Variants in CCDC146 observed in about 807,000 individuals in gnomAD.
CCDC146 encodes the protein coiled-coil domain-containing protein 146.
CCDC146 carries 92 observed loss-of-function variants against 119.3 expected under a neutral mutation model. That is an observed-to-expected ratio of 0.77 (90% CI 0.65 to 0.92). The LOEUF is 0.92. CCDC146 is among the 40% of genes least tolerant of loss of function. The pLI, the probability that CCDC146 is intolerant of heterozygous loss-of-function variation, is 0.00. For missense variants in CCDC146, 1,000 were observed against 1,103.0 expected (o/e 0.91, Z 1.32); for synonymous variants, 372 against 371.8 (o/e 1.00, Z -0.01).
chr7:77,224,799 G>A (rs147194218), intron 2 of CCDC146, among the ~76,000 whole-genome samples: 5 of 152,280 alleles, frequency 3.3e-5, no homozygotes, highest in East Asian at 1.9e-4. Flanking sequence ...ATTGTGTTTC[G>A]ATGGAGCATT....
chr7:77,126,653 G>A lies in CCDC146; in HGVS notation c.-12+3921G>A, dbSNP rs1342550433. 2.0e-5 allele frequency among the ~76,000 whole-genome samples: 3 copies of A among 152,210 alleles called. No homozygotes were observed. In the East Asian group the frequency reaches 5.8e-4, roughly 29 times the overall value. On this transcript the variant is annotated intron_variant, in intron 1 of 18. Transcript: ENST00000285871. ...TCCTGTCTGCTGGCAGGTTGTCTCTGAAGCTCTCGGCAGAGACGGTAGCTC... is the reference window on the plus strand; with the variant it reads ...TCCTGTCTGCTGGCAGGTTGTCTCTAAAGCTCTCGGCAGAGACGGTAGCTC...
intron 18 of CCDC146, among the ~76,000 whole-genome samples, chr7:77,294,040 G>A (rs1440814660): frequency 1.3e-5 from 2 of 152,114 alleles, no homozygotes; most frequent in African/African-American, 4.8e-5. Flanking sequence ...TTATTAGAGG[G>A]CTTTTCAGTG....
intron 1 of CCDC146, among the ~76,000 whole-genome samples, chr7:77,131,223 C>A (rs1790781694): frequency 6.6e-6 from 1 of 151,960 alleles, no homozygotes; most frequent in Non-Finnish European, 1.5e-5. Flanking sequence ...ATATCAGAAA[C>A]AGGAAAATCT....
At chr7:77,142,464 C>T (rs1381198597) in intron 1 of CCDC146, among the ~76,000 whole-genome samples, 2 of 151,712 alleles carry the variant, frequency 1.3e-5, no homozygotes, top group African/African-American at 4.8e-5. Context: ...GTACAATGTG[C>T]AGGTTTGTTA....
At chr7:77,248,294 G>A (rs998955632) in intron 4 of CCDC146, among the ~76,000 whole-genome samples, 2 of 152,158 alleles carry the variant, frequency 1.3e-5, no homozygotes, top group Non-Finnish European at 2.9e-5. Flanking sequence ...GAAGGAGGGT[G>A]AAGGATGAGA....
At chr7:77,213,499 C>G (rs190084589) in intron 2 of CCDC146, among the ~76,000 whole-genome samples, 1 of 152,044 alleles carries the variant, frequency 6.6e-6, no homozygotes, top group Admixed American at 6.5e-5. Context: ...ATTTTAAATT[C>G]AGAGGTTATA....
At chr7:77,271,241 T>C (rs2150529587) in intron 9 of CCDC146, among the ~76,000 whole-genome samples, 1 of 151,718 alleles carries the variant, frequency 6.6e-6, no homozygotes, top group Middle Eastern at 3.4e-3. Context: ...CACAATCTAA[T>C]CAGCTGCCGG....
intron 2 of CCDC146, among the ~76,000 whole-genome samples, chr7:77,224,700 T>C (rs965950497): frequency 6.6e-6 from 1 of 152,088 alleles, no homozygotes; most frequent in African/African-American, 2.4e-5. Flanking sequence ...AGCTACCAGA[T>C]AATGAAGACC....
At chr7:77,198,116 T>C (rs1016082455) in intron 2 of CCDC146, 1 of 984,714 alleles carries the variant, frequency 1.0e-6, no homozygotes, top group African/African-American at 1.7e-5. Flanking sequence ...TACCCACTGA[T>C]GTCACCTAAG....
intron 2 of CCDC146, among the ~76,000 whole-genome samples, chr7:77,206,853 A>G (rs556187196): frequency 3.0e-4 from 46 of 152,120 alleles, no homozygotes; most frequent in African/African-American, 1.1e-3. Context: ...ATTTCAATTT[A>G]TTCATAATAA....
intron 2 of CCDC146, among the ~76,000 whole-genome samples, chr7:77,173,013 G>A (rs1251621156): frequency 1.3e-5 from 2 of 151,942 alleles, no homozygotes; most frequent in African/African-American, 4.8e-5. Context: ...AAAATATTTT[G>A]CATAGAAAAT....
At chr7:77,154,406 A>T (rs1331086351) in intron 1 of CCDC146, among the ~76,000 whole-genome samples, 3 of 151,750 alleles carry the variant, frequency 2.0e-5, no homozygotes, top group African/African-American at 7.3e-5. Flanking sequence ...TGCTGCACCC[A>T]TTAACTCATC....
intron 17 of CCDC146, among the ~76,000 whole-genome samples, chr7:77,292,548 C>T (rs1472890410): frequency 1.4e-5 from 2 of 145,816 alleles, no homozygotes; most frequent in African/African-American, 2.5e-5. Flanking sequence ...ACCTGGGAGG[C>T]GGAGCTTGCA....
intron 1 of CCDC146, among the ~76,000 whole-genome samples, chr7:77,148,891 A>G (rs10249373): frequency 0.15 from 23,431 of 152,120 alleles, 2,487 homozygotes; most frequent in Non-Finnish European, 0.21. Context: ...TACTGTGAAA[A>G]TGGCCACACT....
At chr7:77,228,727 A>G (rs1318751317) in intron 2 of CCDC146, among the ~76,000 whole-genome samples, 1 of 152,230 alleles carries the variant, frequency 6.6e-6, no homozygotes, top group East Asian at 1.9e-4. Flanking sequence ...TCTTTGAGGA[A>G]TCACCACTGT....
chr7:77,199,271 T>G, intron 2 of CCDC146: 1 of 1,614,094 alleles, frequency 6.2e-7, no homozygotes, highest in Non-Finnish European at 8.5e-7. Flanking sequence ...GCCACTTTGC[T>G]GTCAACATAA....
rs770508290 is a variant in CCDC146, at chr7:77,256,387, G to C, written c.562G>C (p.Glu188Gln). 1.2e-6 allele frequency: 2 copies of C among 1,603,926 alleles called. No individual in the cohort carries two copies. ...LRESTEELRK[E>Q]IMQKKLEIKN... Reference sequence around the variant, plus strand: ...AGAAAGCACTGAAGAATTACGTAAAGAAATAATGCAGAAGAAATTAGAAAT... The same window carrying C: ...AGAAAGCACTGAAGAATTACGTAAACAAATAATGCAGAAGAAATTAGAAAT... Residue 188 changes from glutamate to glutamine, a missense_variant, in exon 6 of 19, where the codon GAA (glutamate) becomes CAA (glutamine). Physicochemically the swap from Glu to Gln is conservative, Grantham distance 29. Transcript: ENST00000285871.
intron 2 of CCDC146, among the ~76,000 whole-genome samples, chr7:77,205,699 C>A (rs1476439226): frequency 1.3e-5 from 2 of 152,182 alleles, no homozygotes; most frequent in African/African-American, 2.4e-5. Flanking sequence ...GCAGAGGTTG[C>A]GTGAGCTAAG....
At chr7:77,151,839 C>A (rs979281243) in intron 1 of CCDC146, among the ~76,000 whole-genome samples, 2 of 152,136 alleles carry the variant, frequency 1.3e-5, no homozygotes, top group Non-Finnish European at 2.9e-5. Context: ...GTTCTGCATT[C>A]CCCGCTGGCT....
Sources: gnomAD v4.1 joint callset for allele counts (sites outside exome capture counted in the v4.1 genomes callset) on GRCh38, gnomAD v4.1.1 for gene constraint, MANE v1.5 for transcripts, NCBI Gene and HGNC (gene_info 2026-07-23, HGNC 2026-07-21) for gene names.